CLN6: variants seen among roughly 807,000 people sequenced by gnomAD.
CLN6 encodes CLN6 transmembrane ER protein.
A neutral mutation model predicts 33.3 loss-of-function variants in CLN6; 22 were observed. The ratio of observed to expected loss-of-function variants is 0.66; its 90% CI spans 0.47 to 0.94. The LOEUF is 0.94. Ranked by LOEUF, CLN6 falls within the 40% of genes least tolerant of loss-of-function variation. The pLI, the probability that CLN6 is intolerant of heterozygous loss-of-function variation, is 0.00. For missense variants in CLN6, 387 were observed against 417.1 expected (o/e 0.93, Z 0.63); for synonymous variants, 201 against 174.6 (o/e 1.15, Z -1.19).
At chr15:68,224,839 G>C (rs1187490580) in intron 1 of CLN6, among the ~76,000 whole-genome samples, 1 of 152,108 alleles carries the variant, frequency 6.6e-6, no homozygotes, top group African/African-American at 2.4e-5. Context: ...ACTAGCAAAT[G>C]CTGCTGAAAA....
chr15:68,229,392 G>A, intron 1 of CLN6, 110 bp downstream of exon 1: 1 of 850,120 alleles, frequency 1.2e-6, no homozygotes, highest in Non-Finnish European at 1.7e-6. Context: ...GCCCCGGCCA[G>A]CGCCGCACAC....
Position 68,250,450 on chromosome 15 carries a change from C to T in CLN6, c.179+6240G>A, listed in dbSNP as rs186365642. 2.8e-3 allele frequency among the ~76,000 whole-genome samples: 430 copies of T among 151,932 alleles called. 3 individuals are homozygous for T. Among genetic ancestry groups the T allele is most frequent in the Middle Eastern group, 6.8e-3 (2 of 294 alleles). ...ATTCTGGTTAACCAACATGGTGAAA[C>T]CCCGTCTCTACTAAAAATACAAAAA... On this transcript the variant is annotated intron_variant, in intron 1 of 6. Coordinates refer to the CLN6 transcript ENST00000538696.
At chr15:68,235,123 C>A (rs1190782705) in intron 1 of CLN6, among the ~76,000 whole-genome samples, 3 of 152,198 alleles carry the variant, frequency 2.0e-5, no homozygotes, top group African/African-American at 7.2e-5. Flanking sequence ...TGTATTATCT[C>A]ATTTAATCCT....
Position 68,207,867 on chromosome 15 carries a change from G to A in CLN6, c.*273C>T, listed in dbSNP as rs1213805017. On this transcript the variant is annotated 3_prime_UTR_variant, in exon 7 of 7. Transcript: ENST00000249806. ...AGAGGAGGGCAGGGGCCCGGATCCT[G>A]GCCCAGAAACACTCTAAAACAGAAT... The A allele has an allele frequency of 4.0e-6, 2 of 505,164 alleles. No homozygotes were observed. The highest frequency in any genetic ancestry group is 6.5e-5 in the Admixed American group (2 of 30,812). The allele number at this position is 505,164 out of a possible 1,614,324, so 31.3% of individuals were successfully genotyped here.
At chr15:68,238,398 T>A (rs1892248428) in intron 1 of CLN6, among the ~76,000 whole-genome samples, 1 of 149,858 alleles carries the variant, frequency 6.7e-6, no homozygotes, top group Non-Finnish European at 1.5e-5. Context: ...TGAGACTCTG[T>A]CTCAAAAAAA....
At chr15:68,252,273 C>T (rs890068929) in intron 1 of CLN6, among the ~76,000 whole-genome samples, 5 of 152,090 alleles carry the variant, frequency 3.3e-5, no homozygotes, top group African/African-American at 1.2e-4. Context: ...CACACCCGGT[C>T]TTGTGTGAAT....
rs1270476112 is a variant in CLN6 at position 68,236,510 on chromosome 15, T to G, written c.180-17860A>C. Among the ~76,000 whole-genome samples, 1 of 152,266 alleles carries G rather than the reference T, an allele frequency of 6.6e-6. No individual in the cohort carries two copies. The highest frequency in any genetic ancestry group is 2.4e-5 in the African/African-American group (1 of 41,476). On this transcript the variant is annotated intron_variant, in intron 1 of 6. Transcript: ENST00000538696. This position sits in a 1 kb window ranked among gnomAD's most constrained non-coding sequence, Gnocchi z 4.5. ...ATGCAAGTCATAAAAGGCCATATGC[T>G]GTATTAGGCCATTTATATGAAATGT...
At chr15:68,217,993 A>G (rs1026916473) in intron 2 of CLN6, 3 of 158,628 alleles carry the variant, frequency 1.9e-5, no homozygotes, top group Non-Finnish European at 4.2e-5. Context: ...TGTGGAGGCC[A>G]CCACTGGATA....
At position 68,208,532 on chromosome 15, in the gene CLN6, GCT is replaced by G; in HGVS notation, c.666-124_666-123del. The G allele has an allele frequency of 1.9e-6, 2 of 1,056,880 alleles. No individual in the cohort carries two copies. Among genetic ancestry groups the G allele is most frequent in the Non-Finnish European group, 2.8e-6 (2 of 704,284 alleles). 65.5% of individuals were successfully genotyped at this position (1,056,880 alleles called of 1,614,324 possible). A position where few individuals can be genotyped will look rare whatever the true frequency, so the allele number is the denominator to read the frequency against. On this transcript the variant is annotated intron_variant, in intron 6 of 6. Coordinates refer to ENST00000249806, the MANE Select transcript of CLN6 (RefSeq NM_017882.3). The surrounding 1 kb of genome is among the most constrained non-coding windows in gnomAD (Gnocchi z 5.8). ...GGCAGAAGAGTCCTCTGGTGCCAGG[GCT>G]CAGAGAACTATGCCGCTCTAAGCCA...
chr15:68,255,533 TTC>T (rs757754831), intron 1 of CLN6, among the ~76,000 whole-genome samples: 37 of 152,354 alleles, frequency 2.4e-4, no homozygotes, highest in Non-Finnish European at 4.7e-4. Flanking sequence ...ACTTTCCCTG[TTC>T]AGAGCATCAG....
Position 68,211,584 on chromosome 15 carries a change from G to A in CLN6, c.486+91C>T, listed in dbSNP as rs1236907004. 4 of 1,602,460 alleles carry A rather than the reference G, an allele frequency of 2.5e-6. No homozygotes were observed. The Admixed American group carries it at 5.0e-5, about 20-fold the overall frequency. ...GCAGAATGCCTTTGGTGAAAGGACA[G>A]GTGCGGCGAGGGGTGGGGGCCATTT... On this transcript the variant is annotated intron_variant, in intron 4 of 6. Coordinates refer to ENST00000249806, the MANE Select transcript of CLN6 (RefSeq NM_017882.3). The surrounding 1 kb of genome is among the most constrained non-coding windows in gnomAD (Gnocchi z 5.9).
chr15:68,254,530 T>C (rs2141168154), intron 1 of CLN6: 2 of 411,258 alleles, frequency 4.9e-6, no homozygotes, highest in Middle Eastern at 7.1e-4. Flanking sequence ...CATGTTGAAA[T>C]GATAATATTT....
In CLN6 at chr15:68,235,628, ATATATC is replaced by A. The variant is rs1451027540; in HGVS notation, c.180-16984_180-16979del. Among the ~76,000 whole-genome samples the A allele has an allele frequency of 8.1e-4, 98 of 121,112 alleles. 1 individual carries two copies. The highest frequency in any genetic ancestry group is 2.7e-3 in the African/African-American group (87 of 32,480). The allele number at this position is 121,112 out of a possible 152,430, so 79.5% of individuals were successfully genotyped here. Reference sequence around the variant, plus strand: ...TATATATATATATATATATATATATATATATCGATTAATCGATGGAATACATAGGGC... The same window carrying A: ...TATATATATATATATATATATATATAGATTAATCGATGGAATACATAGGGC... On this transcript the variant is annotated intron_variant, in intron 1 of 6. Coordinates refer to the CLN6 transcript ENST00000538696.
At position 68,256,630 on chromosome 15, in the gene CLN6, C is replaced by T. The variant is rs887255639; in HGVS notation, c.179+60G>A. The T allele has an allele frequency of 3.4e-6, 2 of 593,594 alleles. No individual in the cohort carries two copies. The highest frequency in any genetic ancestry group is 2.9e-5 in the Admixed American group (1 of 34,178). 36.8% of individuals were successfully genotyped at this position (593,594 alleles called of 1,614,324 possible). On this transcript the variant is annotated intron_variant, in intron 1 of 6. Transcript: ENST00000538696. This position sits in a 1 kb window ranked among gnomAD's most constrained non-coding sequence, Gnocchi z 4.1. ...TGGGCAGTGCAGTCGCACAGGGCCC[C>T]ACGTTCAGAAGGGCTTCGCCCTTGG...
At chr15:68,255,761 A>T (rs1892428114) in intron 1 of CLN6, among the ~76,000 whole-genome samples, 3 of 152,200 alleles carry the variant, frequency 2.0e-5, no homozygotes, top group African/African-American at 7.2e-5. Context: ...GGTTAAATGA[A>T]ATACTTCAAT....
intron 1 of CLN6, among the ~76,000 whole-genome samples, chr15:68,223,919 G>A (rs564301647): frequency 3.3e-5 from 5 of 151,928 alleles, no homozygotes; most frequent in East Asian, 3.9e-4. Context: ...GGTGGTGTGC[G>A]CCTGTAATCC....
rs2093198944 is a variant in CLN6 at position 68,209,688 on chromosome 15, A to C, written c.614T>G (p.Leu205Trp). ...GCFTASKAES[L>W]IPGPALLLVA... ...CAGGAGCAGGGCAGGCCCTGGAATC[A>C]AGCTCTCAGCTTTAGAGGCAGTAAA... Residue 205 changes from leucine to tryptophan, a missense_variant, in exon 6 of 7, where the codon TTG becomes TGG. By Grantham distance (61) the Leu-to-Trp change is moderately conservative. Coordinates refer to ENST00000249806, the MANE Select transcript of CLN6 (RefSeq NM_017882.3). The surrounding 1 kb of genome is among the most constrained non-coding windows in gnomAD (Gnocchi z 4.9). The C allele has an allele frequency of 2.5e-6, 4 of 1,613,788 alleles. No homozygotes were observed. Among genetic ancestry groups the C allele is most frequent in the Non-Finnish European group, 3.4e-6 (4 of 1,179,966 alleles).
chr15:68,222,929 A>G (rs1449503589), intron 1 of CLN6, among the ~76,000 whole-genome samples: 1 of 152,172 alleles, frequency 6.6e-6, no homozygotes, highest in Non-Finnish European at 1.5e-5. Context: ...TGAAGGCAGC[A>G]TGCTCGTTAA....
In CLN6 at chr15:68,218,645, C is replaced by A. The variant is rs753497587; in HGVS notation, c.89G>T (p.Gly30Val). 3 of 1,612,836 alleles carry A rather than the reference C, an allele frequency of 1.9e-6. No individual in the cohort carries two copies. The highest frequency in any genetic ancestry group is 2.5e-6 in the Non-Finnish European group (3 of 1,179,160). ...GGCAGCCTCATCAGCGCTCACAGAG[C>A]CATGCCTGGGAAGGAACCAGACGAG... ...LGASFLQARH[G>V]SVSADEAART... Residue 30 changes from glycine (G) to valine (V), a missense_variant, in exon 2 of 7, where the codon GGC (glycine) becomes GTC (valine). Transcript: ENST00000249806.
Sources: gnomAD v4.1 joint callset for allele counts (sites outside exome capture counted in the v4.1 genomes callset) on GRCh38, gnomAD v4.1.1 for gene constraint, Gnocchi (gnomAD v3.1) non-coding constraint, MANE v1.5 for transcripts, NCBI Gene and HGNC (gene_info 2026-07-23, HGNC 2026-07-21) for gene names.